CNTN4: variants seen among roughly 807,000 people sequenced by gnomAD.
CNTN4 encodes contactin-4.
CNTN4 carries 77 observed loss-of-function variants against 122.5 expected under a neutral mutation model. The ratio of observed to expected loss-of-function variants is 0.63; its 90% CI spans 0.52 to 0.76. CNTN4 has a LOEUF of 0.76. CNTN4 is among the 30% of genes least tolerant of loss of function. The pLI, the probability that CNTN4 is intolerant of heterozygous loss-of-function variation, is 0.00. For missense variants in CNTN4, 1,256 were observed against 1,259.1 expected (o/e 1.00, Z 0.04); for synonymous variants, 512 against 447.0 (o/e 1.15, Z -1.83).
intron 3 of CNTN4, among the ~76,000 whole-genome samples, chr3:2,373,402 C>T (rs554298947): frequency 6.6e-5 from 10 of 152,308 alleles, no homozygotes; most frequent in African/African-American, 1.9e-4. Flanking sequence ...TGCCGTGAAT[C>T]GAGTACGTAC....
intron 3 of CNTN4, among the ~76,000 whole-genome samples, chr3:2,382,272 C>T (rs1483684692): frequency 6.6e-6 from 1 of 151,408 alleles, no homozygotes; most frequent in Non-Finnish European, 1.5e-5. Flanking sequence ...CGGGTTCAAG[C>T]GATTCTCCTG....
intron 16 of CNTN4, among the ~76,000 whole-genome samples, chr3:3,031,613 G>A (rs1574872728): frequency 6.6e-6 from 1 of 152,046 alleles, no homozygotes; most frequent in East Asian, 1.9e-4. Flanking sequence ...CACCAACTGA[G>A]TACATTCCAA....
At chr3:2,439,886 C>T (rs1224428953) in intron 3 of CNTN4, among the ~76,000 whole-genome samples, 1 of 152,070 alleles carries the variant, frequency 6.6e-6, no homozygotes, top group Non-Finnish European at 1.5e-5. Flanking sequence ...TTTAGCTCAA[C>T]ACTCTGACCA....
intron 2 of CNTN4, among the ~76,000 whole-genome samples, chr3:2,156,841 T>A (rs969664416): frequency 1.3e-5 from 2 of 152,190 alleles, no homozygotes; most frequent in African/African-American, 4.8e-5. Context: ...TTTATGAGAT[T>A]ACTAAGAGCT....
chr3:2,464,460 A>G lies in CNTN4; in HGVS notation c.-88-106956A>G, dbSNP rs1206978574. On this transcript the variant is annotated intron_variant, in intron 3 of 24. Coordinates refer to ENST00000418658, the MANE Select transcript of CNTN4 (RefSeq NM_175607.3). ...GGTAGCTTAAAGGAATGTTGAGGAA[A>G]TAAAAAGTAGGCATAAAGGTATTGT... Among the ~76,000 whole-genome samples the G allele has an allele frequency of 3.2e-4, 48 of 152,210 alleles. 2 individuals are homozygous for G. Among genetic ancestry groups the G allele is most frequent in the Admixed American group, 3.1e-3 (48 of 15,284 alleles).
intron 4 of CNTN4, among the ~76,000 whole-genome samples, chr3:2,679,930 T>C (rs1289282577): frequency 1.3e-5 from 2 of 152,206 alleles, no homozygotes; most frequent in Non-Finnish European, 2.9e-5. Context: ...TATTTGTCAT[T>C]TGCTTAACTA....
At chr3:2,367,987 C>G (rs955088331) in intron 3 of CNTN4, among the ~76,000 whole-genome samples, 2 of 150,266 alleles carry the variant, frequency 1.3e-5, no homozygotes, top group African/African-American at 4.9e-5. Context: ...TTCACTATAG[C>G]TTTACAATTC....
In CNTN4 at chr3:3,037,295, C is replaced by A; in HGVS notation, c.2059C>A (p.Arg687Ser). The A allele has an allele frequency of 1.9e-6, 3 of 1,614,160 alleles. No homozygotes were observed. The highest frequency in any genetic ancestry group is 2.5e-6 in the Non-Finnish European group (3 of 1,180,034). Residue 687 changes from arginine to serine, a missense_variant, in exon 18 of 25, where the codon CGC becomes AGC. By Grantham distance (110) the Arg-to-Ser change is moderately radical. Coordinates refer to ENST00000418658, the MANE Select transcript of CNTN4 (RefSeq NM_175607.3). ...ANVIGIGEPS[R>S]PSEKRRTEEA... is the part of the protein sequence containing the mutation. ...CGTGATTGGGATTGGGGAGCCCAGC[C>A]GCCCCTCAGAGAAACGGAGAACAGA...
At chr3:2,658,897 A>G (rs2083723166) in intron 4 of CNTN4, among the ~76,000 whole-genome samples, 1 of 151,932 alleles carries the variant, frequency 6.6e-6, no homozygotes, top group Admixed American at 6.6e-5. Context: ...TCATGAATCC[A>G]TAAGAATAAA....
At chr3:2,553,836 G>A (rs1259418502) in intron 3 of CNTN4, among the ~76,000 whole-genome samples, 1 of 152,110 alleles carries the variant, frequency 6.6e-6, no homozygotes, top group Non-Finnish European at 1.5e-5. Flanking sequence ...TGATCAAACA[G>A]GTTGGTTCTA....
chr3:2,622,319 C>G lies in CNTN4; in HGVS notation c.55+50761C>G, dbSNP rs544444102. 6.6e-5 allele frequency among the ~76,000 whole-genome samples: 10 copies of G among 152,270 alleles called. No homozygotes were observed. In the East Asian group the frequency reaches 1.9e-3, roughly 29 times the overall value. The stretch of plus-strand genomic sequence containing the variant: ...AGTCTGCCAGAGTAGCATTACTAGA[C>G]ACCTGGCTGCAGGAAATGTGATGTT... On this transcript the variant is annotated intron_variant, in intron 4 of 24. Coordinates refer to ENST00000418658, the MANE Select transcript of CNTN4 (RefSeq NM_175607.3).
chr3:3,040,153 C>T lies in CNTN4; in HGVS notation c.2280C>T (p.Tyr760=), dbSNP rs559707047. The T allele has an allele frequency of 1.5e-5, 25 of 1,613,994 alleles. No homozygotes were observed. In the African/African-American group the frequency reaches 1.9e-4, roughly 12 times the overall value. Residue 760 remains tyrosine (Y), a synonymous_variant, in exon 20 of 25, where the codon TAC becomes TAT. Coordinates refer to ENST00000418658, the MANE Select transcript of CNTN4 (RefSeq NM_175607.3). The part of the protein sequence containing the change: ...TVLASADASR[Y]VFRNESVHPF... ...TGGCCTCAGCTGATGCCTCTAGATA[C>T]GTGTTCAGGAATGAGAGCGTGCACC...
intron 3 of CNTN4, among the ~76,000 whole-genome samples, chr3:2,418,890 A>G (rs933829963): frequency 1.3e-5 from 2 of 152,196 alleles, no homozygotes; most frequent in Admixed American, 1.3e-4. Flanking sequence ...TGTTTAGAGA[A>G]TCCCAGGAAA....
chr3:2,248,107 C>T (rs2040226583), intron 2 of CNTN4, among the ~76,000 whole-genome samples: 1 of 151,916 alleles, frequency 6.6e-6, no homozygotes, highest in African/African-American at 2.4e-5. Context: ...TTCTTCAGTG[C>T]AATAAAGTAA....
intron 3 of CNTN4, among the ~76,000 whole-genome samples, chr3:2,345,000 A>G (rs562226547): frequency 2.6e-5 from 4 of 152,204 alleles, no homozygotes; most frequent in Non-Finnish European, 5.9e-5. Context: ...TAGTTGACAG[A>G]GAAACATGAT....
At chr3:2,930,494 C>T (rs1368784213) in intron 13 of CNTN4, among the ~76,000 whole-genome samples, 1 of 152,112 alleles carries the variant, frequency 6.6e-6, no homozygotes, top group Non-Finnish European at 1.5e-5. Flanking sequence ...TTCACCGAAG[C>T]CAAATAAATT....
chr3:2,584,899 A>G (rs926340848), intron 4 of CNTN4, among the ~76,000 whole-genome samples: 1 of 151,308 alleles, frequency 6.6e-6, no homozygotes, highest in Admixed American at 6.6e-5. Flanking sequence ...CGAAGTAGGA[A>G]GGTAGGTAGG....
intron 15 of CNTN4, among the ~76,000 whole-genome samples, chr3:3,026,997 G>T (rs757415051): frequency 1.1e-4 from 16 of 152,088 alleles, no homozygotes; most frequent in Non-Finnish European, 1.9e-4. Context: ...TTTTATGATG[G>T]AGTCCAGCCA....
At position 2,961,184 on chromosome 3, in the gene CNTN4, T is replaced by G. The variant is rs1353580064; in HGVS notation, c.1359-27161T>G. Among the ~76,000 whole-genome samples the G allele has an allele frequency of 6.8e-5, 8 of 117,120 alleles. 1 individual carries two copies. Among genetic ancestry groups the G allele is most frequent in the Admixed American group, 5.0e-4 (5 of 10,028 alleles). The allele number at this position is 117,120 out of a possible 152,430, so 76.8% of individuals were successfully genotyped here. ...GGCGGAGCTTGCAGTGAGCCGAGATTGGACCACTGCACTCCAGCCTGGGCG... is the reference window on the plus strand; with the variant it reads ...GGCGGAGCTTGCAGTGAGCCGAGATGGGACCACTGCACTCCAGCCTGGGCG... On this transcript the variant is annotated intron_variant, in intron 13 of 24. Transcript: ENST00000418658.
Sources: allele counts gnomAD v4.1 joint callset (sites outside exome capture counted in the v4.1 genomes callset), GRCh38; gene constraint gnomAD v4.1.1; transcripts MANE v1.5; gene names NCBI Gene and HGNC (gene_info 2026-07-23, HGNC 2026-07-21).